The following PHF21A variants were observed in gnomAD, a reference collection of about 807,000 sequenced individuals.
PHF21A encodes BHC80a.
Under a neutral mutation model 82.5 loss-of-function variants are expected in PHF21A, and 11 were observed. That is an observed-to-expected ratio of 0.13 (90% CI 0.08 to 0.22). The LOEUF (loss-of-function observed/expected upper bound fraction) is 0.22, where lower values mean the gene tolerates loss of function less well. Among genes scored for constraint, PHF21A ranks in the 10% least tolerant of loss-of-function variants. The pLI, the probability that PHF21A is intolerant of heterozygous loss-of-function variation, is 1.00. For missense variants in PHF21A, 579 were observed against 837.8 expected (o/e 0.69, Z 3.81); for synonymous variants, 297 against 302.8 (o/e 0.98, Z 0.20).
chr11:46,005,826 T>C (rs1591859409), intron 6 of PHF21A, among the ~76,000 whole-genome samples: 1 of 152,310 alleles, frequency 6.6e-6, no homozygotes, highest in East Asian at 1.9e-4. Context: ...AATCTGATCA[T>C]AAAGAAAAAA....
chr11:46,097,242 CT>C (rs1368409869), intron 1 of PHF21A, among the ~76,000 whole-genome samples: 5 of 152,222 alleles, frequency 3.3e-5, no homozygotes, highest in African/African-American at 1.2e-4. Flanking sequence ...TGTTACTCCT[CT>C]GCTCAAAACC....
At position 45,995,748 on chromosome 11, in the gene PHF21A, T is replaced by C. The variant is rs574056330; in HGVS notation, c.154-15782A>G. ...CAGAAGCTGAACGCAGCTCTGTTAC[T>C]TATTGGCACACATATTCAGCTCAAT... is the stretch of plus-strand genomic sequence containing the variant. On this transcript the variant is annotated intron_variant, in intron 6 of 18. Transcript: ENST00000676320. Among the ~76,000 whole-genome samples, 12 of 152,280 alleles carry C rather than the reference T, an allele frequency of 7.9e-5. No individual in the cohort carries two copies. The South Asian group carries it at 2.5e-3, about 32-fold the overall frequency.
intron 9 of PHF21A, among the ~76,000 whole-genome samples, chr11:45,966,966 C>T (rs748036764): frequency 5.3e-5 from 8 of 151,432 alleles, no homozygotes; most frequent in Non-Finnish European, 7.4e-5. Flanking sequence ...GTGGGCAAAA[C>T]GCTTTCCCCT....
intron 3 of PHF21A, among the ~76,000 whole-genome samples, chr11:46,085,043 A>G (rs939925901): frequency 4.6e-5 from 7 of 152,058 alleles, no homozygotes; most frequent in African/African-American, 1.7e-4. Context: ...CTCGGAGGTT[A>G]ACGAATGCCA....
chr11:45,982,918 A>G (rs1468646510), intron 6 of PHF21A, among the ~76,000 whole-genome samples: 1 of 152,248 alleles, frequency 6.6e-6, no homozygotes, highest in Non-Finnish European at 1.5e-5. Context: ...TATACCAGTC[A>G]CAAAAGGAAA....
At chr11:46,001,462 A>G (rs536064642) in intron 6 of PHF21A, among the ~76,000 whole-genome samples, 4 of 152,150 alleles carry the variant, frequency 2.6e-5, no homozygotes, top group Non-Finnish European at 5.9e-5. Context: ...GAAATAAATA[A>G]CAAGACTAAC....
intron 6 of PHF21A, among the ~76,000 whole-genome samples, chr11:46,013,609 A>C (rs1474701759): frequency 1.3e-5 from 2 of 152,220 alleles, no homozygotes; most frequent in African/African-American, 2.4e-5. Context: ...ATATGTCCTG[A>C]GAAATGCATC....
intron 6 of PHF21A, among the ~76,000 whole-genome samples, chr11:46,015,828 T>C (rs1350729259): frequency 6.6e-6 from 1 of 152,148 alleles, no homozygotes; most frequent in Non-Finnish European, 1.5e-5. Flanking sequence ...TCATCTTCTA[T>C]GGTAACAATG....
chr11:45,955,617 G>T (rs887519636), intron 10 of PHF21A, among the ~76,000 whole-genome samples: 4 of 152,046 alleles, frequency 2.6e-5, no homozygotes, highest in African/African-American at 9.7e-5. Flanking sequence ...ATTACCCATG[G>T]TTCAAATTTC....
At chr11:46,024,900 C>T (rs926741959) in intron 6 of PHF21A, among the ~76,000 whole-genome samples, 1 of 152,214 alleles carries the variant, frequency 6.6e-6, no homozygotes, top group African/African-American at 2.4e-5. Context: ...CATAGTGACT[C>T]CTAGTTCTAG....
intron 6 of PHF21A, among the ~76,000 whole-genome samples, chr11:46,012,264 T>C (rs2095428474): frequency 6.6e-6 from 1 of 152,218 alleles, no homozygotes; most frequent in Non-Finnish European, 1.5e-5. Context: ...GCACTATTAC[T>C]GACCATGCTC....
At chr11:46,017,549 A>G (rs754760188) in intron 6 of PHF21A, among the ~76,000 whole-genome samples, 1 of 151,742 alleles carries the variant, frequency 6.6e-6, no homozygotes, top group Non-Finnish European at 1.5e-5. Flanking sequence ...CTCCATATTT[A>G]TAAGTTACAG....
chr11:45,958,410 AAAAAAAAAAATATATAT>A (rs1264737424), intron 10 of PHF21A, among the ~76,000 whole-genome samples: 2 of 28,458 alleles, frequency 7.0e-5, no homozygotes, highest in African/African-American at 2.1e-4. Context: ...AAAAAAAAAA[AAAAAAAAAAATATATAT>A]ATATATATAT....
chr11:46,085,646 G>A (rs980108745), intron 3 of PHF21A, among the ~76,000 whole-genome samples: 11 of 152,098 alleles, frequency 7.2e-5, no homozygotes, highest in Non-Finnish European at 1.3e-4. Context: ...GAACAATCAG[G>A]AAGTTAGAGG....
At chr11:46,043,084 C>T (rs1384421958) in intron 6 of PHF21A, among the ~76,000 whole-genome samples, 1 of 151,928 alleles carries the variant, frequency 6.6e-6, no homozygotes, top group Non-Finnish European at 1.5e-5. Context: ...TAAAAGATAC[C>T]TGAAATTTTA....
chr11:45,978,098 G>A (rs943123102), intron 7 of PHF21A, among the ~76,000 whole-genome samples: 3 of 152,044 alleles, frequency 2.0e-5, no homozygotes, highest in East Asian at 1.9e-4. Flanking sequence ...TCAGGAGTTC[G>A]AGACCAGCCT....
intron 1 of PHF21A, 43 bp from the exon 2 acceptor site, chr11:46,092,266 A>G (rs927413742): frequency 1.3e-5 from 2 of 152,170 alleles, no homozygotes; most frequent in Non-Finnish European, 2.9e-5. Flanking sequence ...CAACACACAC[A>G]TATTTATGAC....
chr11:46,055,599 A>C (rs1423723924), intron 6 of PHF21A, among the ~76,000 whole-genome samples: 2 of 152,024 alleles, frequency 1.3e-5, no homozygotes, highest in African/African-American at 2.4e-5. Context: ...TCATCCCTTT[A>C]CTAGTAGGTC....
chr11:45,981,324 T>G (rs2094271444), intron 6 of PHF21A, among the ~76,000 whole-genome samples: 1 of 146,896 alleles, frequency 6.8e-6, no homozygotes, highest in Non-Finnish European at 1.5e-5. Flanking sequence ...AGATGGAGGT[T>G]GCAGTGAGCC....
Sources: gnomAD v4.1 joint callset for allele counts (sites outside exome capture counted in the v4.1 genomes callset) on GRCh38, gnomAD v4.1.1 for gene constraint, MANE v1.5 for transcripts, NCBI Gene and HGNC (gene_info 2026-07-23, HGNC 2026-07-21) for gene names.